The following PPOX variants were observed in gnomAD, a reference collection of about 807,000 sequenced individuals.
The protein encoded by PPOX is protoporphyrinogen oxidase, also known as variegate porphyria.
Under a neutral mutation model 54.1 loss-of-function variants are expected in PPOX, and 23 were observed. The observed-to-expected ratio is 0.43, with a 90% CI of 0.31 to 0.60. The LOEUF is 0.60. Ranked by LOEUF, PPOX falls within the 20% of genes least tolerant of loss-of-function variation. The probability of loss-of-function intolerance (pLI) is 0.13; values close to 1 mark genes in which losing one functional copy is unlikely to be tolerated. For synonymous variants in PPOX, 224 were observed against 236.1 expected, an observed-to-expected ratio of 0.95 and a Z score of 0.47; for missense variants, 512 against 601.1, an observed-to-expected ratio of 0.85 and a Z score of 1.55.
Position 161,167,998 on chromosome 1 carries a change from G to A in PPOX, c.342G>A (p.Gly114=), listed in dbSNP as rs763649603. 1.2e-6 allele frequency: 2 copies of A among 1,614,132 alleles called. No individual in the cohort carries two copies. The highest frequency in any genetic ancestry group is 2.2e-5 in the East Asian group (1 of 44,874). ...CACTATGCCTTTCTCCATGCAGGGGGCTACTCCGCCCTTCACCCCCCTTCT... is the reference window on the plus strand; with the variant it reads ...CACTATGCCTTTCTCCATGCAGGGGACTACTCCGCCCTTCACCCCCCTTCT... ...ALHALPTGLR[G]LLRPSPPFSK... The change falls in exon 5 of 13, where the codon GGG becomes GGA. Residue 114 remains glycine (G), a synonymous_variant. Transcript: ENST00000367999.
intron 5 of PPOX, 44 bp downstream of exon 5, chr1:161,168,171 A>G (rs1418084132): frequency 1.2e-6 from 2 of 1,613,796 alleles, no homozygotes; most frequent in African/African-American, 2.7e-5. Flanking sequence ...CTCCTAAACC[A>G]GCTGCAGAGC....
chr1:161,167,045 A>C (rs1659215280), intron 2 of PPOX, 55 bp from the exon 3 acceptor site: 2 of 1,612,164 alleles, frequency 1.2e-6, no homozygotes, highest in East Asian at 2.2e-5. Flanking sequence ...TCCCCTCCTG[A>C]CCTCTCGCCG....
downstream of PPOX, chr1:161,173,592 CA>C: frequency 2.5e-6 from 4 of 1,613,440 alleles, no homozygotes; most frequent in Non-Finnish European, 3.4e-6. Flanking sequence ...GAGGAAGTGG[CA>C]GGAAGTCTGA....
Position 161,168,581 on chromosome 1 carries a change from G to A in PPOX, c.616+5G>A. ...TGGGCCTGCTGCTGGGGGCAGGTGA[G>A]GGGGGATTGATTCAGAGGGTGAAAA... On this transcript the variant is annotated splice_donor_5th_base_variant and intron_variant, in intron 6 of 12. Coordinates refer to ENST00000367999, the MANE Select transcript of PPOX (RefSeq NM_001122764.3). 6.2e-7 allele frequency: 1 copy of A among 1,613,814 alleles called. No individual in the cohort carries two copies. The highest frequency in any genetic ancestry group is 8.5e-7 in the Non-Finnish European group (1 of 1,179,844).
At chr1:161,172,077 C>G, downstream of PPOX, 1 of 1,614,098 alleles carries the variant, frequency 6.2e-7, no homozygotes, top group Non-Finnish European at 8.5e-7. Context: ...GGGTACGGAC[C>G]AGGAGGTCAA....
At chr1:161,173,595 G>T (rs771954474), downstream of PPOX, 3 of 1,613,648 alleles carry the variant, frequency 1.9e-6, no homozygotes, top group Non-Finnish European at 2.5e-6. Flanking sequence ...GAAGTGGCAG[G>T]AAGTCTGACC....
chr1:161,169,308 A>T, intron 7 of PPOX, 125 bp downstream of exon 7: 1 of 1,151,648 alleles, frequency 8.7e-7, no homozygotes, highest in Non-Finnish European at 1.3e-6. Flanking sequence ...AGCTACTTAG[A>T]CATGGGCTAC....
downstream of PPOX, chr1:161,173,801 C>T (rs1662402428): frequency 6.2e-7 from 1 of 1,609,932 alleles, no homozygotes; most frequent in Non-Finnish European, 8.5e-7. Flanking sequence ...GCTTGGCTCT[C>T]CTCCTTCCAC....
rs200920978 is a variant in PPOX, at chr1:161,168,130, G to A, written c.471+3G>A. On this transcript the variant is annotated splice_donor_region_variant and intron_variant, in intron 5 of 12. Transcript: ENST00000367999. The stretch of plus-strand genomic sequence containing the variant: ...CCCAGCGCCGCCTTGGACCTGAGGT[G>A]ACACTTGCCCAGAGGCCCCAAACCT... The A allele has an allele frequency of 2.9e-4, 463 of 1,614,158 alleles. 1 individual carries two copies. The highest frequency in any genetic ancestry group is 3.5e-4 in the Non-Finnish European group (412 of 1,180,040).
chr1:161,174,789 G>C (rs1662860321), downstream of PPOX: 1 of 597,150 alleles, frequency 1.7e-6, no homozygotes, highest in East Asian at 2.9e-5. Flanking sequence ...GGAGAGTGTA[G>C]GACAGTGGGA....
chr1:161,172,469 C>G (rs1571452034), downstream of PPOX: 1 of 711,168 alleles, frequency 1.4e-6, no homozygotes, highest in East Asian at 2.8e-5. Context: ...AGAAGTCAAA[C>G]AGAAAGAAGG....
chr1:161,167,062 A>C, intron 2 of PPOX, 38 bp from the exon 3 acceptor site: 2 of 1,614,072 alleles, frequency 1.2e-6, no homozygotes, highest in Non-Finnish European at 1.7e-6. Context: ...GCCGGCGGCT[A>C]CAGGCGGTGC....
chr1:161,166,490 G>A lies in PPOX; in HGVS notation c.-191G>A, dbSNP rs1658940664. 1.6e-6 allele frequency: 2 copies of A among 1,283,190 alleles called. No individual in the cohort carries two copies. The highest frequency in any genetic ancestry group is 6.6e-5 in the Admixed American group (2 of 30,156). 79.5% of individuals were successfully genotyped at this position (1,283,190 alleles called of 1,614,324 possible). ...AGTAGCGGATTTGAAGCACTTGTTG[G>A]CCTACAGAGGTGTGGCAAGCAGAGC... On this transcript the variant is annotated 5_prime_UTR_variant, in exon 1 of 13. Transcript: ENST00000367999.
chr1:161,174,418 G>GA (rs925363770), downstream of PPOX, among the ~76,000 whole-genome samples: 1 of 148,818 alleles, frequency 6.7e-6, no homozygotes, highest in Non-Finnish European at 1.5e-5. Flanking sequence ...AAAAAAAAAA[G>GA]AAAAAAAAGA....
chr1:161,176,757 G>T, intron 4 of PPOX: 2 of 1,036,600 alleles, frequency 1.9e-6, no homozygotes, highest in Non-Finnish European at 2.8e-6. Flanking sequence ...TAAGTGTCAG[G>T]TTCATACTTA....
downstream of PPOX, chr1:161,175,146 GC>G (rs755066239): frequency 1.2e-6 from 2 of 1,613,870 alleles, no homozygotes; most frequent in Non-Finnish European, 1.7e-6. Flanking sequence ...GGCGGTACCG[GC>G]CCCCTGGTTC....
At chr1:161,171,349 C>A, downstream of PPOX, 1 of 1,149,406 alleles carries the variant, frequency 8.7e-7, no homozygotes, top group Non-Finnish European at 1.2e-6. Context: ...TATCAAAATC[C>A]CAGCCCCCTG....
downstream of PPOX, chr1:161,173,770 A>T (rs1320337603): frequency 6.2e-7 from 1 of 1,612,778 alleles, no homozygotes; most frequent in Non-Finnish European, 8.5e-7. Flanking sequence ...TCTTCTGGGG[A>T]CACATCCCCA....
chr1:161,169,935 G>A lies in PPOX; in HGVS notation c.898G>A (p.Ala300Thr). 1 of 1,614,154 alleles carries A rather than the reference G, an allele frequency of 6.2e-7. No homozygotes were observed. The highest frequency in any genetic ancestry group is 8.5e-7 in the Non-Finnish European group (1 of 1,180,034). ...VLSELLPAEA[A>T]PLARALSAIT... is the part of the protein sequence containing the mutation. ...CAGTGAGCTGCTCCCTGCTGAGGCTGCCCCTCTGGCTCGTGCCCTGAGTGC... is the reference window on the plus strand; with the variant it reads ...CAGTGAGCTGCTCCCTGCTGAGGCTACCCCTCTGGCTCGTGCCCTGAGTGC... The change falls in exon 9 of 13, where the codon GCC (alanine) becomes ACC (threonine). Residue 300 changes from alanine (A) to threonine (T), a missense_variant. By Grantham distance (58) the Ala-to-Thr change is moderately conservative. Transcript: ENST00000367999.
Sources: allele counts gnomAD v4.1 joint callset (sites outside exome capture counted in the v4.1 genomes callset), GRCh38; gene constraint gnomAD v4.1.1; transcripts MANE v1.5; gene names NCBI Gene and HGNC (gene_info 2026-07-23, HGNC 2026-07-21).